The following DDX18 variants were observed in gnomAD, a reference collection of about 807,000 sequenced individuals.
DDX18 encodes the protein ATP-dependent RNA helicase DDX18.
A neutral mutation model predicts 73.5 loss-of-function variants in DDX18; 23 were observed. That is an observed-to-expected ratio of 0.31 (90% CI 0.23 to 0.44). The LOEUF is 0.44. Among genes scored for constraint, DDX18 ranks in the 20% least tolerant of loss-of-function variants. The pLI is 1.00. For missense variants in DDX18, 753 were observed against 792.9 expected (o/e 0.95, Z 0.60); for synonymous variants, 268 against 282.7 (o/e 0.95, Z 0.52).
chr2:117,815,985 C>T (rs1045442474), intron 1 of DDX18, among the ~76,000 whole-genome samples: 6 of 152,108 alleles, frequency 3.9e-5, no homozygotes, highest in African/African-American at 1.4e-4. Context: ...CTGTACTATA[C>T]TCAGAGAATT....
intron 13 of DDX18, 96 bp from the exon 14 acceptor site, chr2:117,830,486 G>T: frequency 7.3e-7 from 1 of 1,375,116 alleles, no homozygotes; most frequent in Non-Finnish European, 9.8e-7. Context: ...GGGTTGTGGA[G>T]GAACAGTAGT....
At chr2:117,820,923 C>T (rs1169403225) in intron 3 of DDX18, among the ~76,000 whole-genome samples, 1 of 152,116 alleles carries the variant, frequency 6.6e-6, no homozygotes, top group Non-Finnish European at 1.5e-5. Context: ...TATACCTCCT[C>T]TCTACCCCTT....
rs1049730734 is a variant in DDX18 at position 117,829,421 on chromosome 2, G to C, written c.1825G>C (p.Val609Leu). 3 of 1,613,272 alleles carry C rather than the reference G, an allele frequency of 1.9e-6. No individual in the cohort carries two copies. Among genetic ancestry groups the C allele is most frequent in the African/African-American group, 2.7e-5 (2 of 74,854 alleles). The change falls in exon 13 of 14, where the codon GTT (valine) becomes CTT (leucine). Residue 609 changes from valine to leucine, a missense_variant. By Grantham distance (32) the Val-to-Leu change is conservative. Transcript: ENST00000263239. Reference protein sequence around the residue: ...FNVNNLNLPQVALSFGFKVPP... With the variant: ...FNVNNLNLPQLALSFGFKVPP... ...TGTTAATAACCTAAATTTGCCTCAG[G>C]TTGCTCTGTCATTTGGTTTCAAGGT... is the stretch of plus-strand genomic sequence containing the variant.
chr2:117,826,536 C>T (rs1311677443), intron 11 of DDX18, 154 bp downstream of exon 11: 1 of 697,230 alleles, frequency 1.4e-6, no homozygotes, highest in Non-Finnish European at 2.4e-6. Flanking sequence ...TACTTCTAGC[C>T]CAAGAAGTGA....
At chr2:117,826,201 A>C in intron 10 of DDX18, 68 bp from the exon 11 acceptor site, 1 of 1,317,730 alleles carries the variant, frequency 7.6e-7, no homozygotes, top group Non-Finnish European at 1.1e-6. Flanking sequence ...CATACTCAGG[A>C]TGCAGATACG....
chr2:117,823,012 T>A (rs531561426), intron 7 of DDX18, among the ~76,000 whole-genome samples: 14 of 152,348 alleles, frequency 9.2e-5, no homozygotes, highest in African/African-American at 3.1e-4. Context: ...TTTAACTTTT[T>A]AAAAAACTGC....
intron 7 of DDX18, 59 bp downstream of exon 7, chr2:117,822,320 T>A: frequency 7.3e-7 from 1 of 1,372,302 alleles, no homozygotes. Flanking sequence ...AGATAAGAGT[T>A]GTTCCTATAG....
intron 8 of DDX18, 49 bp downstream of exon 8, chr2:117,824,757 T>G: frequency 4.1e-6 from 6 of 1,475,726 alleles, no homozygotes; most frequent in Non-Finnish European, 5.4e-6. Flanking sequence ...CTTGGTGTTT[T>G]TATGTAATTG....
rs757592465 is a variant in DDX18 at position 117,819,771 on chromosome 2, A to G, written c.493A>G (p.Ser165Gly). ...TGATGAAGATGAGAGTGAGGTGCCC[A>G]GTCTGCCCCTGGGACTGACAGGTAA... ...DNDEDESEVP[S>G]LPLGLTGAFE... Residue 165 changes from serine (S) to glycine (G), a missense_variant, in exon 3 of 14, where the codon AGT becomes GGT. Coordinates refer to ENST00000263239, the MANE Select transcript of DDX18 (RefSeq NM_006773.4). The G allele has an allele frequency of 1.9e-6, 3 of 1,595,654 alleles. No homozygotes were observed. Among genetic ancestry groups the G allele is most frequent in the Non-Finnish European group, 2.6e-6 (3 of 1,174,248 alleles).
At position 117,821,654 on chromosome 2, in the gene DDX18, C is replaced by A; in HGVS notation, c.655C>A (p.Leu219Ile). ...SIRPLLEGRDLLAAAKTGSGK... is the reference protein window; with the variant it reads ...SIRPLLEGRDILAAAKTGSGK... ...CTTTCCCTTTTTAATATTTAGGGAT[C>A]TTCTAGCAGCTGCAAAAACAGGCAG... Residue 219 changes from leucine to isoleucine, a missense_variant, in exon 5 of 14, where the codon CTT (leucine) becomes ATT (isoleucine). Coordinates refer to ENST00000263239, the MANE Select transcript of DDX18 (RefSeq NM_006773.4). 6.2e-7 allele frequency: 1 copy of A among 1,613,886 alleles called. No individual in the cohort carries two copies. The highest frequency in any genetic ancestry group is 8.5e-7 in the Non-Finnish European group (1 of 1,179,866).
intron 10 of DDX18, 141 bp from the exon 11 acceptor site, chr2:117,826,128 G>T (rs1203553294): frequency 1.6e-6 from 1 of 609,028 alleles, no homozygotes; most frequent in Non-Finnish European, 2.9e-6. Flanking sequence ...GCTTTGTGGG[G>T]GTGTGGTGAA....
At chr2:117,821,025 T>C (rs1373828497) in intron 3 of DDX18, 136 bp from the exon 4 acceptor site, 1 of 786,998 alleles carries the variant, frequency 1.3e-6, no homozygotes, top group Non-Finnish European at 1.9e-6. Flanking sequence ...CTTGATATTA[T>C]CACATATGAA....
chr2:117,826,232 T>G, intron 10 of DDX18, 37 bp from the exon 11 acceptor site: 1 of 1,581,854 alleles, frequency 6.3e-7, no homozygotes, highest in Non-Finnish European at 8.7e-7. Context: ...CATGTGGAAG[T>G]CACTGCGTTA....
At position 117,830,887 on chromosome 2, in the gene DDX18, C is replaced by G. The variant is rs960751121; in HGVS notation, c.*163C>G. 2 of 745,536 alleles carry G rather than the reference C, an allele frequency of 2.7e-6. No homozygotes were observed. The highest frequency in any genetic ancestry group is 3.7e-5 in the African/African-American group (2 of 54,282). 46.2% of individuals were successfully genotyped at this position (745,536 alleles called of 1,614,324 possible). A position where few individuals can be genotyped will look rare whatever the true frequency, so the allele number is the denominator to read the frequency against. ...GAGCACTGTTACTTCTATCACGTCT[C>G]TCTTTTATTTCTGGGATATAAAACA... On this transcript the variant is annotated 3_prime_UTR_variant, in exon 14 of 14. Coordinates refer to ENST00000263239, the MANE Select transcript of DDX18 (RefSeq NM_006773.4).
Position 117,826,139 on chromosome 2 carries a change from G to A in DDX18, c.1522-130G>A, listed in dbSNP as rs902296728. On this transcript the variant is annotated intron_variant, in intron 10 of 13. Transcript: ENST00000263239. ...CCCAGCTTTGTGGGGGTGTGGTGAA[G>A]GTGTGTGTGGCCCAGCACCGTGGGA... The A allele has an allele frequency of 2.2e-5, 13 of 590,352 alleles. No homozygotes were observed. In the South Asian group the frequency reaches 2.5e-4, roughly 11 times the overall value. The allele number at this position is 590,352 out of a possible 1,614,324, so 36.6% of individuals were successfully genotyped here. A position where few individuals can be genotyped will look rare whatever the true frequency, so the allele number is the denominator to read the frequency against.
chr2:117,829,729 C>T (rs1424145713), intron 13 of DDX18, among the ~76,000 whole-genome samples: 1 of 152,116 alleles, frequency 6.6e-6, no homozygotes, highest in Non-Finnish European at 1.5e-5. Context: ...ATTTGACTGT[C>T]AAGGAGAGAC....
intron 1 of DDX18, 131 bp downstream of exon 1, chr2:117,814,993 GA>G: frequency 1.1e-6 from 1 of 911,416 alleles, no homozygotes; most frequent in East Asian, 2.5e-5. Context: ...TGGGGAGAGT[GA>G]AAAGGCAGCT....
chr2:117,822,306 A>G (rs776440050), intron 7 of DDX18, 45 bp downstream of exon 7: 1 of 1,460,794 alleles, frequency 6.8e-7, no homozygotes, highest in Non-Finnish European at 9.6e-7. Context: ...TATCTGTTGG[A>G]GGTAGATAAG....
At chr2:117,815,096 A>G in intron 1 of DDX18, 7 of 564,120 alleles carry the variant, frequency 1.2e-5, no homozygotes, top group Non-Finnish European at 1.3e-5. Context: ...TTACAACGTT[A>G]GAGCGGGAGG....
Sources: gnomAD v4.1 joint callset for allele counts (sites outside exome capture counted in the v4.1 genomes callset) on GRCh38, gnomAD v4.1.1 for gene constraint, MANE v1.5 for transcripts, NCBI Gene and HGNC (gene_info 2026-07-23, HGNC 2026-07-21) for gene names.